Variants in SETBP1 observed in about 807,000 individuals in gnomAD.
SETBP1 encodes the protein SET-binding protein.
A neutral mutation model predicts 101.0 loss-of-function variants in SETBP1; 9 were observed. The ratio of observed to expected loss-of-function variants is 0.09; its 90% CI spans 0.05 to 0.16. The LOEUF (loss-of-function observed/expected upper bound fraction) is 0.16, where lower values mean the gene tolerates loss of function less well. Ranked by LOEUF, SETBP1 falls within the 10% of genes least tolerant of loss-of-function variation. The probability of loss-of-function intolerance (pLI) is 1.00; values close to 1 mark genes in which losing one functional copy is unlikely to be tolerated. For missense variants in SETBP1, 1,858 were observed against 2,033.8 expected (o/e 0.91, Z 1.66); for synonymous variants, 818 against 788.5 (o/e 1.04, Z -0.63).
At chr18:44,834,547 G>T (rs1332337715) in intron 2 of SETBP1, among the ~76,000 whole-genome samples, 1 of 152,158 alleles carries the variant, frequency 6.6e-6, no homozygotes, top group Non-Finnish European at 1.5e-5. Flanking sequence ...GTGGCCCCCG[G>T]AAGCTATAGA....
chr18:44,919,182 A>C (rs1325063238), intron 3 of SETBP1, among the ~76,000 whole-genome samples: 1 of 152,214 alleles, frequency 6.6e-6, no homozygotes, highest in Non-Finnish European at 1.5e-5. Context: ...TGTTGAACAA[A>C]AATATAATAC....
intron 1 of SETBP1, among the ~76,000 whole-genome samples, chr18:44,685,540 G>T (rs1568089080): frequency 6.6e-6 from 1 of 152,174 alleles, no homozygotes; most frequent in Non-Finnish European, 1.5e-5. Flanking sequence ...TTTGGATCGT[G>T]TCCCTGTACT....
At chr18:44,974,618 A>T (rs2071945310) in intron 4 of SETBP1, among the ~76,000 whole-genome samples, 1 of 152,208 alleles carries the variant, frequency 6.6e-6, no homozygotes, top group South Asian at 2.1e-4. Context: ...CAGGTGGGTG[A>T]CTAGATTTAC....
At chr18:44,825,535 C>T (rs919983713) in intron 2 of SETBP1, among the ~76,000 whole-genome samples, 1 of 151,952 alleles carries the variant, frequency 6.6e-6, no homozygotes, top group Non-Finnish European at 1.5e-5. Flanking sequence ...TTCAAACTGC[C>T]CCTCTTGAAA....
intron 3 of SETBP1, among the ~76,000 whole-genome samples, chr18:44,938,243 C>T (rs1036983904): frequency 6.6e-6 from 1 of 152,226 alleles, no homozygotes; most frequent in Non-Finnish European, 1.5e-5. Context: ...GCTCCCCCAC[C>T]AGGAGCGTCC....
intron 4 of SETBP1, among the ~76,000 whole-genome samples, chr18:44,995,267 G>A (rs951532904): frequency 1.4e-5 from 2 of 147,172 alleles, no homozygotes; most frequent in South Asian, 2.2e-4. Flanking sequence ...TCAGCCTCCC[G>A]AGTAGCTGGG....
At chr18:44,706,196 C>G (rs1453807744) in intron 2 of SETBP1, among the ~76,000 whole-genome samples, 1 of 152,120 alleles carries the variant, frequency 6.6e-6, no homozygotes, top group Non-Finnish European at 1.5e-5. Flanking sequence ...CTTAAACTTA[C>G]TCAGGTAAGT....
rs556941173 is a variant in SETBP1 at position 45,016,878 on chromosome 18, A to G, written c.4001-21607A>G. On this transcript the variant is annotated intron_variant, in intron 4 of 5. Transcript: ENST00000649279. ...AGGTTTTCAGAGCCGACTCTGGTAA[A>G]AATTAGCAGGAGCCTTTTATTGTTC... Among the ~76,000 whole-genome samples, 3 of 151,744 alleles carry G rather than the reference A, an allele frequency of 2.0e-5. No individual in the cohort carries two copies. The South Asian group carries it at 6.3e-4, about 32-fold the overall frequency.
chr18:44,687,951 A>G (rs1012106357), intron 1 of SETBP1, among the ~76,000 whole-genome samples: 12 of 152,170 alleles, frequency 7.9e-5, no homozygotes, highest in Admixed American at 5.2e-4. Context: ...GCATTCTGAG[A>G]TCAGATACGG....
chr18:44,863,218 C>T lies in SETBP1; in HGVS notation c.487-6012C>T, dbSNP rs114724206. Reference sequence around the variant, plus strand: ...CTTAGACCCCTTTCCTTTTCTCTGTCTTGACCCCTGACATATCTTACAATT... The same window carrying T: ...CTTAGACCCCTTTCCTTTTCTCTGTTTTGACCCCTGACATATCTTACAATT... On this transcript the variant is annotated intron_variant, in intron 2 of 5. Coordinates refer to ENST00000649279, the MANE Select transcript of SETBP1 (RefSeq NM_015559.3). Among the ~76,000 whole-genome samples, 1,038 of 152,292 alleles carry T rather than the reference C, an allele frequency of 6.8e-3. 9 individuals are homozygous for T. Among genetic ancestry groups the T allele is most frequent in the African/African-American group, 0.022 (925 of 41,556 alleles).
chr18:44,758,938 A>G (rs999777561), intron 2 of SETBP1, among the ~76,000 whole-genome samples: 1 of 152,228 alleles, frequency 6.6e-6, no homozygotes, highest in Non-Finnish European at 1.5e-5. Flanking sequence ...GGACGTCTGC[A>G]GGGACCACCA....
intron 4 of SETBP1, among the ~76,000 whole-genome samples, chr18:45,027,117 G>A (rs1412056561): frequency 6.6e-6 from 1 of 152,114 alleles, no homozygotes; most frequent in African/African-American, 2.4e-5. Flanking sequence ...TTCCACTATA[G>A]AATCGAGAGA....
At chr18:44,915,945 G>T (rs1599316681) in intron 3 of SETBP1, among the ~76,000 whole-genome samples, 1 of 152,268 alleles carries the variant, frequency 6.6e-6, no homozygotes, top group East Asian at 1.9e-4. Context: ...TTTTCTCTTG[G>T]CCACACATAG....
intron 4 of SETBP1, among the ~76,000 whole-genome samples, chr18:44,989,968 C>G (rs1476529795): frequency 7.7e-6 from 1 of 130,232 alleles, no homozygotes; most frequent in African/African-American, 2.7e-5. Context: ...AGATAACCAT[C>G]AAAACAAACA....
chr18:44,868,193 C>G (rs562863705), intron 2 of SETBP1, among the ~76,000 whole-genome samples: 1 of 152,070 alleles, frequency 6.6e-6, no homozygotes, highest in Non-Finnish European at 1.5e-5. Flanking sequence ...CACAGAGGTG[C>G]AGAAAGTACA....
intron 3 of SETBP1, among the ~76,000 whole-genome samples, chr18:44,913,870 A>G (rs1402578000): frequency 6.6e-6 from 1 of 152,208 alleles, no homozygotes; most frequent in South Asian, 2.1e-4. Flanking sequence ...TTAGTTACTG[A>G]AAAGGCTTGG....
At chr18:44,825,502 C>A (rs965848157) in intron 2 of SETBP1, among the ~76,000 whole-genome samples, 5 of 152,098 alleles carry the variant, frequency 3.3e-5, no homozygotes, top group African/African-American at 1.2e-4. Flanking sequence ...TTTTTAAGAG[C>A]AGTTTTAAAA....
At chr18:45,061,882 T>A (rs1271452776) in intron 5 of SETBP1, among the ~76,000 whole-genome samples, 2 of 152,224 alleles carry the variant, frequency 1.3e-5, no homozygotes, top group African/African-American at 4.8e-5. Context: ...CCACATGGGC[T>A]CCTTTCGGGT....
At chr18:44,790,266 G>A (rs919115490) in intron 2 of SETBP1, among the ~76,000 whole-genome samples, 2 of 152,024 alleles carry the variant, frequency 1.3e-5, no homozygotes, top group African/African-American at 4.8e-5. Flanking sequence ...AAATCAAACT[G>A]TTCGTCAAGA....
Sources: allele counts gnomAD v4.1 joint callset (sites outside exome capture counted in the v4.1 genomes callset), GRCh38; gene constraint gnomAD v4.1.1; transcripts MANE v1.5; gene names NCBI Gene and HGNC (gene_info 2026-07-23, HGNC 2026-07-21).